The following HIPK2 variants were observed in gnomAD, a reference collection of about 807,000 sequenced individuals.
HIPK2 encodes homeodomain-interacting protein kinase 2.
In HIPK2, 27 loss-of-function variants were observed where a neutral mutation model predicts 113.7. The observed-to-expected ratio is 0.24, with a 90% CI of 0.17 to 0.33. The LOEUF (loss-of-function observed/expected upper bound fraction) is 0.33, where lower values mean the gene tolerates loss of function less well. Among genes scored for constraint, HIPK2 ranks in the 10% least tolerant of loss-of-function variants. The pLI, the probability that HIPK2 is intolerant of heterozygous loss-of-function variation, is 1.00. For synonymous variants in HIPK2, 631 were observed against 642.2 expected (o/e 0.98, Z 0.26); for missense variants, 1,257 against 1,588.0 (o/e 0.79, Z 3.54).
intron 2 of HIPK2, among the ~76,000 whole-genome samples, chr7:139,648,216 C>G (rs539747066): frequency 6.6e-6 from 1 of 152,200 alleles, no homozygotes; most frequent in Non-Finnish European, 1.5e-5. Flanking sequence ...CCACATACCC[C>G]AAAGTTTCAA....
Position 139,687,836 on chromosome 7 carries a change from T to C in HIPK2, c.1103+28096A>G, listed in dbSNP as rs781101222. ...CTTAGATTTGTGCTTAATAATATTC[T>C]GGGGCAGTTTGGGGGCTGGTGGATG... On this transcript the variant is annotated intron_variant, in intron 2 of 14. Coordinates refer to ENST00000406875, the MANE Select transcript of HIPK2 (RefSeq NM_022740.5). Among the ~76,000 whole-genome samples, 6 of 152,290 alleles carry C rather than the reference T, an allele frequency of 3.9e-5. No individual in the cohort carries two copies. In the East Asian group the frequency reaches 9.6e-4, roughly 24 times the overall value.
At position 139,683,077 on chromosome 7, in the gene HIPK2, G is replaced by A. The variant is rs1477071353; in HGVS notation, c.1103+32855C>T. ...TATAAGGCATTTTTACCACCAACAC[G>A]CCACTCAGTAAGGTCACTCCTGGGT... On this transcript the variant is annotated intron_variant, in intron 2 of 14. Coordinates refer to ENST00000406875, the MANE Select transcript of HIPK2 (RefSeq NM_022740.5). This position sits in a 1 kb window ranked among gnomAD's most constrained non-coding sequence, Gnocchi z 4.2. 6.6e-6 allele frequency among the ~76,000 whole-genome samples: 1 copy of A among 152,098 alleles called. No individual in the cohort carries two copies. The highest frequency in any genetic ancestry group is 1.5e-5 in the Non-Finnish European group (1 of 68,020).
chr7:139,703,219 G>T (rs1385962790), intron 2 of HIPK2, among the ~76,000 whole-genome samples: 1 of 152,132 alleles, frequency 6.6e-6, no homozygotes, highest in African/African-American at 2.4e-5. Flanking sequence ...AAAGTTCTAT[G>T]AATTTTAGCC....
Position 139,569,175 on chromosome 7 carries a change from T to G in HIPK2, c.*3752A>C, listed in dbSNP as rs1023891591. 3 of 152,024 alleles carry G rather than the reference T, an allele frequency of 2.0e-5. No individual in the cohort carries two copies. Among genetic ancestry groups the G allele is most frequent in the African/African-American group, 7.3e-5 (3 of 41,354 alleles). 9.4% of individuals were successfully genotyped at this position (152,024 alleles called of 1,614,324 possible). ...CCACCCACTTCCAGCTGGCTAGAAT[T>G]GGGTGCTGGGGGCATGCATCACAGG... is the stretch of plus-strand genomic sequence containing the variant. On this transcript the variant is annotated 3_prime_UTR_variant, in exon 15 of 15. Coordinates refer to ENST00000406875, the MANE Select transcript of HIPK2 (RefSeq NM_022740.5).
chr7:139,766,804 T>C (rs1480687727), intron 1 of HIPK2, among the ~76,000 whole-genome samples: 1 of 152,192 alleles, frequency 6.6e-6, no homozygotes, highest in Non-Finnish European at 1.5e-5. Flanking sequence ...AAATATTAGT[T>C]AATAATAGTG....
intron 9 of HIPK2, among the ~76,000 whole-genome samples, chr7:139,604,457 G>A (rs1429526335): frequency 3.3e-5 from 5 of 152,008 alleles, no homozygotes; most frequent in African/African-American, 9.7e-5. Flanking sequence ...TGAGGAGAGC[G>A]GATCACGAGG....
chr7:139,775,595 G>A (rs1352349263), intron 1 of HIPK2, among the ~76,000 whole-genome samples: 1 of 152,162 alleles, frequency 6.6e-6, no homozygotes, highest in Non-Finnish European at 1.5e-5. Flanking sequence ...GCTGAAAGAG[G>A]CCACCGCGGA....
intron 1 of HIPK2, among the ~76,000 whole-genome samples, chr7:139,736,592 T>C (rs1255473989): frequency 6.6e-6 from 1 of 152,152 alleles, no homozygotes; most frequent in African/African-American, 2.4e-5. Flanking sequence ...AAATCAGCTC[T>C]CAGGCACTCC....
chr7:139,725,030 A>G (rs1160698608), intron 1 of HIPK2, among the ~76,000 whole-genome samples: 2 of 152,210 alleles, frequency 1.3e-5, no homozygotes, highest in African/African-American at 4.8e-5. Context: ...AAAACATGAA[A>G]TAAAATCAAT....
intron 10 of HIPK2, 98 bp from the exon 11 acceptor site, chr7:139,600,694 A>C: frequency 1.1e-5 from 15 of 1,371,160 alleles, no homozygotes; most frequent in Non-Finnish European, 1.5e-5. Flanking sequence ...CGCTGACTGC[A>C]GTTGGTTATC....
chr7:139,772,977 G>C (rs1411789027), intron 1 of HIPK2, among the ~76,000 whole-genome samples: 4 of 151,568 alleles, frequency 2.6e-5, no homozygotes, highest in Admixed American at 2.0e-4. Flanking sequence ...ATTCCATCTT[G>C]AATCAGACCC....
chr7:139,637,062 C>T (rs945168243), intron 2 of HIPK2, among the ~76,000 whole-genome samples: 3 of 152,242 alleles, frequency 2.0e-5, no homozygotes, highest in African/African-American at 4.8e-5. Context: ...TCTTCATCCC[C>T]ACCATCTATC....
At chr7:139,769,107 C>T (rs1796603604) in intron 1 of HIPK2, among the ~76,000 whole-genome samples, 1 of 152,238 alleles carries the variant, frequency 6.6e-6, no homozygotes, top group South Asian at 2.1e-4. Flanking sequence ...TTTCCTGATC[C>T]TAGATCACTG....
intron 1 of HIPK2, among the ~76,000 whole-genome samples, chr7:139,766,663 G>A (rs954243989): frequency 7.9e-5 from 12 of 152,208 alleles, no homozygotes; most frequent in African/African-American, 2.9e-4. Context: ...AAGGGCATGC[G>A]CTGGCGACAA....
intron 2 of HIPK2, among the ~76,000 whole-genome samples, chr7:139,669,355 T>C (rs959461884): frequency 5.9e-5 from 9 of 152,186 alleles, no homozygotes; most frequent in Admixed American, 1.3e-4. Context: ...AGGGAGATAA[T>C]TGTATTGTGA....
chr7:139,764,953 TG>T (rs1395412182), intron 1 of HIPK2, among the ~76,000 whole-genome samples: 1 of 152,062 alleles, frequency 6.6e-6, no homozygotes, highest in Admixed American at 6.6e-5. Context: ...CTGGCCAACA[TG>T]GTGAAAGGCT....
At position 139,583,561 on chromosome 7, in the gene HIPK2, T is replaced by C. The variant is rs1798737363; in HGVS notation, c.2965+256A>G. The C allele has an allele frequency of 5.7e-5, 28 of 494,564 alleles. 1 individual carries two copies. In the East Asian group the frequency reaches 1.1e-3, roughly 19 times the overall value. The allele number at this position is 494,564 out of a possible 1,614,324, so 30.6% of individuals were successfully genotyped here. On this transcript the variant is annotated intron_variant, in intron 13 of 14. Transcript: ENST00000406875. Reference sequence around the variant, plus strand: ...GGCTTTTATTTTCTATTAATCAACCTAGTTGGAAGCAGAGCCATTGTAAAG... The same window carrying C: ...GGCTTTTATTTTCTATTAATCAACCCAGTTGGAAGCAGAGCCATTGTAAAG...
At chr7:139,720,945 CTTAT>C (rs1585419846) in intron 1 of HIPK2, among the ~76,000 whole-genome samples, 1 of 152,088 alleles carries the variant, frequency 6.6e-6, no homozygotes, top group Non-Finnish European at 1.5e-5. Flanking sequence ...TGGCTTATGA[CTTAT>C]TTGTTATTGG....
At chr7:139,672,598 T>C (rs1209633042) in intron 2 of HIPK2, among the ~76,000 whole-genome samples, 2 of 152,152 alleles carry the variant, frequency 1.3e-5, no homozygotes, top group African/African-American at 2.4e-5. Context: ...CCTGAGTAGC[T>C]ACAGGCGCTG....
Sources: allele counts gnomAD v4.1 joint callset (sites outside exome capture counted in the v4.1 genomes callset), GRCh38; gene constraint gnomAD v4.1.1; non-coding constraint Gnocchi (gnomAD v3.1); transcripts MANE v1.5; gene names NCBI Gene and HGNC (gene_info 2026-07-23, HGNC 2026-07-21).